UVRAG: variants seen among roughly 807,000 people sequenced by gnomAD.
UVRAG encodes UV radiation resistance associated, also known as UV radiation resistance-associated gene protein.
In UVRAG, 19 loss-of-function variants were observed where a neutral mutation model predicts 78.0. The ratio of observed to expected loss-of-function variants is 0.24; its 90% confidence interval spans 0.17 to 0.36. The LOEUF is 0.36. Among genes scored for constraint, UVRAG ranks in the 10% least tolerant of loss-of-function variants. The probability of loss-of-function intolerance (pLI) is 1.00; values close to 1 mark genes in which losing one functional copy is unlikely to be tolerated. For synonymous variants in UVRAG, 323 were observed against 324.6 expected, an observed-to-expected ratio of 1.00 and a Z score of 0.05; for missense variants, 740 against 853.8, an observed-to-expected ratio of 0.87 and a Z score of 1.66.
chr11:75,885,136 T>C (rs1316766991), intron 4 of UVRAG, among the ~76,000 whole-genome samples: 2 of 152,070 alleles, frequency 1.3e-5, no homozygotes, highest in African/African-American at 2.4e-5. Flanking sequence ...ATTTCTGTTT[T>C]CAATTTTTTT....
chr11:76,029,912 C>T (rs1280534546), intron 12 of UVRAG, among the ~76,000 whole-genome samples: 1 of 152,148 alleles, frequency 6.6e-6, no homozygotes, highest in Non-Finnish European at 1.5e-5. Context: ...TCAGCAACCA[C>T]CACCCTGATT....
intron 11 of UVRAG, among the ~76,000 whole-genome samples, 198 bp from the exon 12 acceptor site, chr11:76,016,617 T>C (rs1451372799): frequency 6.6e-6 from 1 of 152,166 alleles, no homozygotes; most frequent in Admixed American, 6.5e-5. Context: ...GGAAATAGTT[T>C]AAAATACAGT....
At chr11:76,086,404 G>C (rs993754606) in intron 13 of UVRAG, among the ~76,000 whole-genome samples, 7 of 152,116 alleles carry the variant, frequency 4.6e-5, no homozygotes, top group African/African-American at 1.7e-4. Flanking sequence ...ACTATTCTTC[G>C]TATGTTTAAG....
chr11:76,134,454 A>C (rs1175273873), intron 14 of UVRAG, among the ~76,000 whole-genome samples: 1 of 152,068 alleles, frequency 6.6e-6, no homozygotes, highest in African/African-American at 2.4e-5. Flanking sequence ...TCCTTCTTGC[A>C]GCTAGCTCCC....
At chr11:76,010,883 T>A (rs1218790523) in intron 11 of UVRAG, among the ~76,000 whole-genome samples, 8 of 152,082 alleles carry the variant, frequency 5.3e-5, no homozygotes, top group Admixed American at 3.3e-4. Flanking sequence ...AAGGAGTTGA[T>A]ATTTTATTCT....
At chr11:75,964,515 G>A (rs774475259) in intron 7 of UVRAG, among the ~76,000 whole-genome samples, 1 of 152,184 alleles carries the variant, frequency 6.6e-6, no homozygotes, top group Admixed American at 6.5e-5. Context: ...AGCTATTCTA[G>A]CAGTTATGTA....
At chr11:75,932,235 C>CA (rs1325643914) in intron 6 of UVRAG, among the ~76,000 whole-genome samples, 1 of 152,024 alleles carries the variant, frequency 6.6e-6, no homozygotes, top group Non-Finnish European at 1.5e-5. Context: ...AGGAAGAACT[C>CA]AAATTATCTT....
At chr11:75,873,128 G>T (rs1946689447) in intron 3 of UVRAG, among the ~76,000 whole-genome samples, 1 of 152,146 alleles carries the variant, frequency 6.6e-6, no homozygotes, top group Non-Finnish European at 1.5e-5. Context: ...AGCTTTCATT[G>T]TTCCCCCTTT....
intron 6 of UVRAG, chr11:75,916,318 C>G (rs1473170685): frequency 6.6e-6 from 1 of 152,106 alleles, no homozygotes; most frequent in Non-Finnish European, 1.5e-5. Flanking sequence ...TAATATTTGT[C>G]TCTTCTATTA....
rs1590893978 is a variant in UVRAG at position 75,821,304 on chromosome 11, T to C, written c.117+5780T>C. 2.0e-5 allele frequency among the ~76,000 whole-genome samples: 3 copies of C among 152,198 alleles called. No individual in the cohort carries two copies. In the South Asian group the frequency reaches 6.2e-4, roughly 31 times the overall value. Reference sequence around the variant, plus strand: ...TATTCCGTTGTATGTATATACTACATTTTGTTTATTCATTCATCTCTTGAT... The same window carrying C: ...TATTCCGTTGTATGTATATACTACACTTTGTTTATTCATTCATCTCTTGAT... On this transcript the variant is annotated intron_variant, in intron 1 of 14. Transcript: ENST00000356136.
chr11:76,039,640 TGA>T (rs1451958216), intron 12 of UVRAG, among the ~76,000 whole-genome samples: 1 of 152,220 alleles, frequency 6.6e-6, no homozygotes, highest in Non-Finnish European at 1.5e-5. Flanking sequence ...TTTGGGAGGC[TGA>T]GTCAGGTGGA....
chr11:76,010,576 A>C (rs940177364), intron 11 of UVRAG, among the ~76,000 whole-genome samples: 2 of 152,036 alleles, frequency 1.3e-5, no homozygotes, highest in Admixed American at 6.6e-5. Context: ...CTCTCAAAAA[A>C]CTCAGCGTTT....
At chr11:75,942,029 G>A (rs1012162289) in intron 6 of UVRAG, 1 of 152,050 alleles carries the variant, frequency 6.6e-6, no homozygotes, top group Non-Finnish European at 1.5e-5. Context: ...AAAATGTAAG[G>A]CATTTTAAAG....
chr11:75,894,473 G>C (rs540073742), intron 5 of UVRAG, among the ~76,000 whole-genome samples: 1 of 152,200 alleles, frequency 6.6e-6, no homozygotes, highest in South Asian at 2.1e-4. Context: ...ATTTGTTTGG[G>C]AGGAGGATAG....
At chr11:75,879,289 A>G (rs1946887254) in intron 3 of UVRAG, among the ~76,000 whole-genome samples, 1 of 152,070 alleles carries the variant, frequency 6.6e-6, no homozygotes, top group African/African-American at 2.4e-5. Context: ...GAGTGCCCTG[A>G]CCACACCTTG....
At chr11:76,016,024 T>C (rs1222894891) in intron 11 of UVRAG, among the ~76,000 whole-genome samples, 1 of 152,230 alleles carries the variant, frequency 6.6e-6, no homozygotes, top group Admixed American at 6.5e-5. Flanking sequence ...TTCTGTTGTA[T>C]TACTCCCTTA....
intron 13 of UVRAG, among the ~76,000 whole-genome samples, chr11:76,069,025 A>G (rs1255144277): frequency 6.6e-6 from 1 of 152,258 alleles, no homozygotes; most frequent in Non-Finnish European, 1.5e-5. Flanking sequence ...GAAGTCATTT[A>G]ATACTGCATC....
intron 14 of UVRAG, among the ~76,000 whole-genome samples, chr11:76,139,720 A>G (rs1952670917): frequency 1.3e-5 from 2 of 152,148 alleles, no homozygotes; most frequent in African/African-American, 4.8e-5. Flanking sequence ...TAGATACTCT[A>G]TTTCCATTAA....
chr11:76,050,265 C>G (rs533959141), intron 12 of UVRAG, among the ~76,000 whole-genome samples: 2 of 152,248 alleles, frequency 1.3e-5, no homozygotes, highest in East Asian at 3.9e-4. Flanking sequence ...ATATTAAAAC[C>G]AAGAAAGAAA....
Sources: gnomAD v4.1 joint callset for allele counts (sites outside exome capture counted in the v4.1 genomes callset) on GRCh38, gnomAD v4.1.1 for gene constraint, MANE v1.5 for transcripts, NCBI Gene and HGNC (gene_info 2026-07-23, HGNC 2026-07-21) for gene names.